Variants in RSPO2 observed in about 807,000 individuals in gnomAD.
The protein encoded by RSPO2 is R-spondin 2.
RSPO2 carries 14 observed loss-of-function variants against 30.9 expected under a neutral mutation model. The observed-to-expected ratio is 0.45, with a 90% CI of 0.30 to 0.71. The LOEUF is 0.71. RSPO2 is among the 30% of genes least tolerant of loss of function. The probability of loss-of-function intolerance (pLI) is 0.08; values close to 1 mark genes in which losing one functional copy is unlikely to be tolerated. For missense variants in RSPO2, 264 were observed against 301.9 expected, an observed-to-expected ratio of 0.87 and a Z score of 0.93; for synonymous variants, 107 against 96.4, an observed-to-expected ratio of 1.11 and a Z score of -0.64.
chr8:108,003,311 A>ATATATTTT (rs1815340187), intron 2 of RSPO2, among the ~76,000 whole-genome samples: 1 of 29,048 alleles, frequency 3.4e-5, no homozygotes, highest in Non-Finnish European at 6.0e-5. Flanking sequence ...ATATATATAT[A>ATATATTTT]TTTTTTTTTT....
chr8:108,020,239 A>T (rs781062298), intron 2 of RSPO2, among the ~76,000 whole-genome samples: 15 of 152,080 alleles, frequency 9.9e-5, no homozygotes, highest in Non-Finnish European at 1.6e-4. Flanking sequence ...TCTCCAAAGT[A>T]TCTTTCACTC....
At chr8:108,027,858 C>T (rs1811274561) in intron 2 of RSPO2, among the ~76,000 whole-genome samples, 1 of 152,126 alleles carries the variant, frequency 6.6e-6, no homozygotes. Flanking sequence ...GTCAATGTAA[C>T]CTTCATACCT....
intron 2 of RSPO2, among the ~76,000 whole-genome samples, chr8:108,018,272 T>C (rs1810954492): frequency 1.3e-5 from 2 of 152,224 alleles, no homozygotes; most frequent in Non-Finnish European, 2.9e-5. Context: ...CTAGTTATCA[T>C]GACACATTCT....
intron 2 of RSPO2, among the ~76,000 whole-genome samples, chr8:108,064,784 CAAT>C (rs1379350149): frequency 1.3e-5 from 2 of 152,126 alleles, no homozygotes; most frequent in Non-Finnish European, 1.5e-5. Flanking sequence ...AAATGTCCAA[CAAT>C]GATAGACTGG....
chr8:108,001,999 C>A (rs575854732), intron 2 of RSPO2, among the ~76,000 whole-genome samples: 2 of 152,210 alleles, frequency 1.3e-5, no homozygotes, highest in South Asian at 4.2e-4. Context: ...CACATATATA[C>A]CTATGTAACA....
chr8:107,959,301 T>C (rs554867941), intron 4 of RSPO2, among the ~76,000 whole-genome samples: 1 of 152,326 alleles, frequency 6.6e-6, no homozygotes, highest in South Asian at 2.1e-4. Context: ...CATTTGAAAA[T>C]GTATGTTTTT....
intron 2 of RSPO2, among the ~76,000 whole-genome samples, chr8:108,009,528 C>T (rs931137221): frequency 1.3e-5 from 2 of 152,104 alleles, no homozygotes; most frequent in Non-Finnish European, 2.9e-5. Flanking sequence ...TTTAAAAAGT[C>T]ACACACATTA....
intron 3 of RSPO2, among the ~76,000 whole-genome samples, chr8:107,978,948 C>T (rs1814320811): frequency 6.6e-6 from 1 of 152,150 alleles, no homozygotes; most frequent in African/African-American, 2.4e-5. Context: ...CATCACTGGC[C>T]GTCAGAGAAA....
chr8:107,900,934 G>A lies in RSPO2; in HGVS notation c.*141C>T. 2 of 826,304 alleles carry A rather than the reference G, an allele frequency of 2.4e-6. No individual in the cohort carries two copies. The highest frequency in any genetic ancestry group is 1.9e-6 in the Non-Finnish European group (1 of 526,636). The allele number at this position is 826,304 out of a possible 1,614,324, so 51.2% of individuals were successfully genotyped here. ...AAATAACACAGGGGCCATGCTGGTGGTGCTTCCTTTCACCATGTTACTGGG... is the reference window on the plus strand; with the variant it reads ...AAATAACACAGGGGCCATGCTGGTGATGCTTCCTTTCACCATGTTACTGGG... On this transcript the variant is annotated 3_prime_UTR_variant, in exon 6 of 6. Transcript: ENST00000276659.
chr8:107,963,890 CCT>C (rs1176260801), intron 3 of RSPO2, among the ~76,000 whole-genome samples: 1 of 152,080 alleles, frequency 6.6e-6, no homozygotes, highest in Non-Finnish European at 1.5e-5. Context: ...GAATTATACC[CCT>C]GATTTAATAA....
chr8:107,968,378 C>T (rs558136285), intron 3 of RSPO2, among the ~76,000 whole-genome samples: 64 of 151,990 alleles, frequency 4.2e-4, no homozygotes, highest in African/African-American at 1.5e-3. Context: ...TTTTCATTCA[C>T]CTGTGGGAGC....
chr8:107,967,676 T>A (rs1379186308), intron 3 of RSPO2, among the ~76,000 whole-genome samples: 1 of 152,136 alleles, frequency 6.6e-6, no homozygotes, highest in African/African-American at 2.4e-5. Context: ...GTAGAATGAG[T>A]TTAAATCAAG....
At chr8:107,967,407 C>G (rs1229077878) in intron 3 of RSPO2, among the ~76,000 whole-genome samples, 2 of 152,048 alleles carry the variant, frequency 1.3e-5, no homozygotes, top group Non-Finnish European at 2.9e-5. Flanking sequence ...CTAATATGTA[C>G]CATTACAGTA....
rs1014760415 is a variant in RSPO2 at position 107,990,299 on chromosome 8, G to A, written c.95-1055C>T. On this transcript the variant is annotated intron_variant, in intron 2 of 5. Coordinates refer to ENST00000276659, the MANE Select transcript of RSPO2 (RefSeq NM_178565.5). ...ACATGATTAGTAGTTACTACAGAAG[G>A]AAAGAGTAAAGAGAATGAATAAAAC... 2.0e-5 allele frequency among the ~76,000 whole-genome samples: 3 copies of A among 152,084 alleles called. No homozygotes were observed. The South Asian group carries it at 6.2e-4, about 32-fold the overall frequency.
At chr8:108,022,279 A>C (rs1811083214) in intron 2 of RSPO2, among the ~76,000 whole-genome samples, 1 of 152,186 alleles carries the variant, frequency 6.6e-6, no homozygotes, top group African/African-American at 2.4e-5. Context: ...GCAGAGAGAG[A>C]GAGCAACAGT....
rs1449810127 is a variant in RSPO2, at chr8:107,899,380, C to T, written c.*1695G>A. On this transcript the variant is annotated 3_prime_UTR_variant, in exon 6 of 6. Coordinates refer to ENST00000276659, the MANE Select transcript of RSPO2 (RefSeq NM_178565.5). ...GGAACAACAGGTATTGACTTATTAA[C>T]GATGAAGCACTATATAAGGAGACCC... 4 of 152,436 alleles carry T rather than the reference C, an allele frequency of 2.6e-5. No homozygotes were observed. Among genetic ancestry groups the T allele is most frequent in the South Asian group, 2.1e-4 (1 of 4,818 alleles). The allele number at this position is 152,436 out of a possible 1,614,324, so 9.4% of individuals were successfully genotyped here. A position where few individuals can be genotyped will look rare whatever the true frequency, so the allele number is the denominator to read the frequency against.
At chr8:107,919,662 C>T (rs953805978) in intron 5 of RSPO2, among the ~76,000 whole-genome samples, 4 of 152,096 alleles carry the variant, frequency 2.6e-5, no homozygotes, top group African/African-American at 7.2e-5. Context: ...CAGGAACTGA[C>T]TCAGCACAAG....
rs548053273 is a variant in RSPO2 at position 108,080,889 on chromosome 8, C to T, written c.94+1656G>A. Among the ~76,000 whole-genome samples the T allele has an allele frequency of 9.2e-5, 14 of 152,218 alleles. No individual in the cohort carries two copies. In the East Asian group the frequency reaches 2.7e-3, roughly 29 times the overall value. On this transcript the variant is annotated intron_variant, in intron 2 of 5. Coordinates refer to ENST00000276659, the MANE Select transcript of RSPO2 (RefSeq NM_178565.5). ...AAAAGCCTCTCCAAACACTTTTGAC[C>T]ATAATGTAATCAAAAATTGCTGGCT...
At chr8:107,963,521 T>C (rs549606706) in intron 3 of RSPO2, among the ~76,000 whole-genome samples, 1 of 8,132 alleles carries the variant, frequency 1.2e-4, no homozygotes, top group Non-Finnish European at 2.1e-4. Flanking sequence ...GAGACCTGTC[T>C]CAAAAAAAAA....
Sources: allele counts gnomAD v4.1 joint callset (sites outside exome capture counted in the v4.1 genomes callset), GRCh38; gene constraint gnomAD v4.1.1; transcripts MANE v1.5; gene names NCBI Gene and HGNC (gene_info 2026-07-23, HGNC 2026-07-21).